The following PDGFC variants were observed in gnomAD, a reference collection of about 807,000 sequenced individuals.
PDGFC encodes platelet derived growth factor C, also known as platelet-derived growth factor C.
In PDGFC, 12 loss-of-function variants were observed where a neutral mutation model predicts 35.5. The observed-to-expected ratio is 0.34, with a 90% CI of 0.22 to 0.55. The LOEUF (loss-of-function observed/expected upper bound fraction) is 0.55, where lower values mean the gene tolerates loss of function less well. PDGFC is among the 20% of genes least tolerant of loss of function. The pLI, the probability that PDGFC is intolerant of heterozygous loss-of-function variation, is 0.91. For synonymous variants in PDGFC, 159 were observed against 148.8 expected (o/e 1.07, Z -0.50); for missense variants, 322 against 412.4 (o/e 0.78, Z 1.90).
At chr4:156,897,523 C>A (rs570865297) in intron 1 of PDGFC, among the ~76,000 whole-genome samples, 1 of 152,118 alleles carries the variant, frequency 6.6e-6, no homozygotes, top group Admixed American at 6.5e-5. Flanking sequence ...CTGGGTGAGC[C>A]CACCTTTCCT....
chr4:156,925,857 C>T (rs1224997877), intron 1 of PDGFC, among the ~76,000 whole-genome samples: 3 of 151,366 alleles, frequency 2.0e-5, no homozygotes, highest in Admixed American at 6.6e-5. Context: ...TTGAGACCAG[C>T]CTGGGCAACA....
At chr4:156,878,321 G>A (rs981029064) in intron 1 of PDGFC, among the ~76,000 whole-genome samples, 9 of 152,126 alleles carry the variant, frequency 5.9e-5, no homozygotes, top group East Asian at 1.9e-4. Flanking sequence ...CAATCATTCC[G>A]TGCTTAGGAA....
chr4:156,772,878 C>G lies in PDGFC; in HGVS notation c.511G>C (p.Val171Leu), dbSNP rs1223046493. ...GAAGGGGGTAGCACTGAAGGACTCACAGCTTCTGTGAATTGCTGAAAGTAA... is the reference window on the plus strand; with the variant it reads ...GAAGGGGGTAGCACTGAAGGACTCAGAGCTTCTGTGAATTGCTGAAAGTAA... ...NIVMPQFTEA[V>L]SPSVLPPSAL... The change falls in exon 4 of 6, where the codon GTG (valine) becomes CTG (leucine). Residue 171 changes from valine (V) to leucine (L), a missense_variant. By Grantham distance (32) the Val-to-Leu change is conservative. Transcript: ENST00000502773. The G allele has an allele frequency of 1.9e-6, 3 of 1,611,372 alleles. No individual in the cohort carries two copies. Among genetic ancestry groups the G allele is most frequent in the Non-Finnish European group, 1.7e-6 (2 of 1,177,636 alleles).
intron 1 of PDGFC, among the ~76,000 whole-genome samples, chr4:156,868,610 G>A (rs1246145727): frequency 6.6e-6 from 1 of 152,136 alleles, no homozygotes; most frequent in Non-Finnish European, 1.5e-5. Context: ...AAGCAATACA[G>A]ACATTTTCAA....
intron 1 of PDGFC, among the ~76,000 whole-genome samples, chr4:156,927,663 C>T (rs1217383752): frequency 2.0e-5 from 3 of 152,278 alleles, no homozygotes; most frequent in Middle Eastern, 3.4e-3. Context: ...CCACCTCAGC[C>T]TGGATTTCAT....
chr4:156,866,304 G>T (rs2111128263), intron 1 of PDGFC, among the ~76,000 whole-genome samples: 1 of 152,194 alleles, frequency 6.6e-6, no homozygotes, highest in South Asian at 2.1e-4. Flanking sequence ...TTTTATGGCT[G>T]CATAGTATTC....
At chr4:156,821,169 ATGTGTGTGTGTGTGTGTGTGTGTGTATG>A (rs1732245051) in intron 2 of PDGFC, among the ~76,000 whole-genome samples, 1 of 142,610 alleles carries the variant, frequency 7.0e-6, no homozygotes, top group South Asian at 2.1e-4. Flanking sequence ...TGCCTGTTGT[ATGTGTGTGTGTGTGTGTGTGTGTGTATG>A]TGTGTGTGTG....
At chr4:156,964,738 A>G (rs529680280) in intron 1 of PDGFC, among the ~76,000 whole-genome samples, 104 of 152,288 alleles carry the variant, frequency 6.8e-4, no homozygotes, top group Admixed American at 2.9e-3. Context: ...GTGGCTGTCT[A>G]GTGGCCTTGA....
intron 1 of PDGFC, among the ~76,000 whole-genome samples, chr4:156,911,708 C>T (rs896044610): frequency 6.6e-6 from 1 of 152,098 alleles, no homozygotes; most frequent in African/African-American, 2.4e-5. Flanking sequence ...AGAGATAAGA[C>T]ATAAACCCAT....
intron 1 of PDGFC, among the ~76,000 whole-genome samples, chr4:156,875,519 C>T (rs1041202523): frequency 6.6e-6 from 1 of 152,004 alleles, no homozygotes; most frequent in Non-Finnish European, 1.5e-5. Flanking sequence ...TTCATTCAAG[C>T]AAGGTAAATA....
At chr4:156,935,636 T>C (rs1459585842) in intron 1 of PDGFC, among the ~76,000 whole-genome samples, 2 of 152,222 alleles carry the variant, frequency 1.3e-5, no homozygotes, top group Non-Finnish European at 2.9e-5. Flanking sequence ...CACATGACTA[T>C]ATATTAAATA....
intron 1 of PDGFC, among the ~76,000 whole-genome samples, chr4:156,872,704 A>C (rs1414575524): frequency 6.6e-6 from 1 of 152,244 alleles, no homozygotes; most frequent in Non-Finnish European, 1.5e-5. Context: ...CTGCTGAATA[A>C]TCTCAAATGA....
At position 156,877,490 on chromosome 4, in the gene PDGFC, T is replaced by C. The variant is rs375500053; in HGVS notation, c.119-27074A>G. ...GTAATGACTATGTAAGTTATTTTTATAAAAAAATTCTTTCTTCTTTACCGA... is the reference window on the plus strand; with the variant it reads ...GTAATGACTATGTAAGTTATTTTTACAAAAAAATTCTTTCTTCTTTACCGA... On this transcript the variant is annotated intron_variant, in intron 1 of 5. Coordinates refer to ENST00000502773, the MANE Select transcript of PDGFC (RefSeq NM_016205.3). Among the ~76,000 whole-genome samples the C allele has an allele frequency of 1.6e-3, 243 of 152,230 alleles. 11 individuals carry two copies. The South Asian group carries it at 0.049, about 31-fold the overall frequency.
rs77060114 is a variant in PDGFC at position 156,780,929 on chromosome 4, G to A, written c.496-8036C>T. Among the ~76,000 whole-genome samples the A allele has an allele frequency of 8.2e-3, 1,252 of 152,198 alleles. 7 individuals carry two copies. The highest frequency in any genetic ancestry group is 0.014 in the Non-Finnish European group (919 of 68,000). ...CTGCAGATTTTCTTTTACCTAACAA[G>A]ATGCTTCTCCTTAGCTCTGAGTGCT... On this transcript the variant is annotated intron_variant, in intron 3 of 5. Transcript: ENST00000502773.
At chr4:156,879,089 G>A (rs1266600874) in intron 1 of PDGFC, among the ~76,000 whole-genome samples, 10 of 152,106 alleles carry the variant, frequency 6.6e-5, no homozygotes, top group Non-Finnish European at 1.5e-4. Flanking sequence ...CTTATGAGGT[G>A]TTTTGTACAT....
At chr4:156,824,351 T>C (rs10049795) in intron 2 of PDGFC, among the ~76,000 whole-genome samples, 63 of 98,302 alleles carry the variant, frequency 6.4e-4, no homozygotes, top group East Asian at 2.6e-3. Context: ...CACACACACA[T>C]ATACACACAT....
chr4:156,917,582 A>G (rs1351631708), intron 1 of PDGFC, among the ~76,000 whole-genome samples: 4 of 152,228 alleles, frequency 2.6e-5, no homozygotes, highest in Admixed American at 6.5e-5. Flanking sequence ...TGAGGCACTC[A>G]TTTTATTGGA....
At chr4:156,813,378 T>C (rs1381835377) in intron 2 of PDGFC, among the ~76,000 whole-genome samples, 2 of 152,008 alleles carry the variant, frequency 1.3e-5, no homozygotes, top group African/African-American at 4.8e-5. Flanking sequence ...GGGTTCTGGG[T>C]CCATAAAACA....
chr4:156,927,442 T>C (rs187853357), intron 1 of PDGFC, among the ~76,000 whole-genome samples: 350 of 152,310 alleles, frequency 2.3e-3, no homozygotes, highest in African/African-American at 8.0e-3. Context: ...TGTTTTCCTT[T>C]TAAAATTGAA....
Sources: gnomAD v4.1 joint callset for allele counts (sites outside exome capture counted in the v4.1 genomes callset) on GRCh38, gnomAD v4.1.1 for gene constraint, MANE v1.5 for transcripts, NCBI Gene and HGNC (gene_info 2026-07-23, HGNC 2026-07-21) for gene names.